Variants in IPO5 observed in about 807,000 individuals in gnomAD.
IPO5 encodes the protein importin-5.
IPO5 carries 18 observed loss-of-function variants against 143.3 expected under a neutral mutation model. That is an observed-to-expected ratio of 0.13 (90% CI 0.09 to 0.19). The LOEUF (loss-of-function observed/expected upper bound fraction) is 0.19. Among genes scored for constraint, IPO5 ranks in the 10% least tolerant of loss-of-function variants. IPO5 has a pLI of 1.00. For missense variants in IPO5, 1,013 were observed against 1,336.9 expected (o/e 0.76, Z 3.78); for synonymous variants, 477 against 465.7 (o/e 1.02, Z -0.31).
intron 27 of IPO5, among the ~76,000 whole-genome samples, 166 bp from the exon 28 acceptor site, chr13:98,020,826 C>A (rs1344521231): frequency 1.3e-5 from 2 of 151,768 alleles, no homozygotes; most frequent in Non-Finnish European, 2.9e-5. Flanking sequence ...GAGATGAGCC[C>A]AGTATTTTTT....
chr13:98,019,834 T>A, intron 27 of IPO5, 25 bp downstream of exon 27: 2 of 1,491,938 alleles, frequency 1.3e-6, no homozygotes, highest in South Asian at 2.3e-5. Flanking sequence ...TGTGACCTTA[T>A]TTCCTTCTCC....
At chr13:97,981,212 T>G (rs1470986822) in intron 4 of IPO5, 1 of 453,148 alleles carries the variant, frequency 2.2e-6, no homozygotes, top group Admixed American at 2.4e-5. Flanking sequence ...TCTTGAATTC[T>G]CCTTTCCCCC....
intron 3 of IPO5, among the ~76,000 whole-genome samples, chr13:97,974,277 G>C (rs995283485): frequency 1.1e-4 from 17 of 151,242 alleles, no homozygotes; most frequent in African/African-American, 4.1e-4. Flanking sequence ...TGTTAACCTA[G>C]TCATTTGAAT....
In IPO5 at chr13:97,993,013, A is replaced by G. The variant is rs867607574; in HGVS notation, c.791A>G (p.Lys264Arg). The change falls in exon 10 of 29, where the codon AAG (lysine) becomes AGG (arginine). Residue 264 changes from lysine (K) to arginine (R), a missense_variant and splice_region_variant. Lys to Arg is a conservative substitution (Grantham distance 26). This residue lies in a region of IPO5 where 328 missense variants were observed against 342.0 expected (regional missense o/e 0.96). Transcript: ENST00000651721. ...HLEATLQLSL[K>R]LCGDTSLNNM... is the part of the protein sequence containing the mutation. ...GAAGCAACTCTACAGCTAAGTCTAA[A>G]GGTAAATTAAGTACGTTAGTAAACG... 6.2e-7 allele frequency: 1 copy of G among 1,613,054 alleles called. No individual in the cohort carries two copies. The highest frequency in any genetic ancestry group is 1.3e-5 in the African/African-American group (1 of 75,020).
At chr13:98,010,361 T>A in intron 20 of IPO5, 137 bp downstream of exon 20, 1 of 809,946 alleles carries the variant, frequency 1.2e-6, no homozygotes, top group Non-Finnish European at 1.9e-6. Context: ...TTTCTTTCCA[T>A]TTTAAAGAAA....
At chr13:97,961,575 T>C (rs1320932175) in intron 2 of IPO5, among the ~76,000 whole-genome samples, 1 of 152,236 alleles carries the variant, frequency 6.6e-6, no homozygotes, top group East Asian at 1.9e-4. Context: ...TTTCTCCACA[T>C]TCTTGTCAAC....
intron 24 of IPO5, among the ~76,000 whole-genome samples, chr13:98,016,527 G>T (rs1890130491): frequency 6.6e-6 from 1 of 152,074 alleles, no homozygotes; most frequent in East Asian, 1.9e-4. Context: ...TGTCTTTCGA[G>T]GTAAGACTGG....
At chr13:98,016,996 G>A in intron 25 of IPO5, 145 bp downstream of exon 25, 3 of 636,906 alleles carry the variant, frequency 4.7e-6, no homozygotes, top group Non-Finnish European at 7.6e-6. Context: ...CAAGTTGACT[G>A]CATTACCCTG....
At chr13:97,981,263 G>A in intron 4 of IPO5, 1 of 456,298 alleles carries the variant, frequency 2.2e-6, no homozygotes, top group Non-Finnish European at 4.4e-6. Context: ...TGAAAAGTTT[G>A]AAACCTGTGT....
intron 2 of IPO5, among the ~76,000 whole-genome samples, chr13:97,962,816 CAAA>C (rs1307615831): frequency 9.6e-6 from 1 of 103,990 alleles, no homozygotes. Flanking sequence ...GAAACTGTCT[CAAA>C]AAAAAAAAAA....
intron 24 of IPO5, among the ~76,000 whole-genome samples, chr13:98,016,027 G>A (rs1023971848): frequency 1.1e-4 from 17 of 152,230 alleles, no homozygotes; most frequent in African/African-American, 3.6e-4. Flanking sequence ...GGTTTACCTA[G>A]TTCATTTACA....
chr13:98,013,784 A>G (rs1031955790), intron 21 of IPO5, among the ~76,000 whole-genome samples: 1 of 152,166 alleles, frequency 6.6e-6, no homozygotes, highest in Non-Finnish European at 1.5e-5. Context: ...GTCCTTCCAT[A>G]GTCATTTTTG....
Position 97,967,157 on chromosome 13 carries a change from T to C in IPO5, c.-112-2566T>C, listed in dbSNP as rs533770402. ...TGCGTTTTTCTAGAAATGTGTCCAT[T>C]TCCTCTAGGTTATCTAATTTGTTAG... is the stretch of plus-strand genomic sequence containing the variant. On this transcript the variant is annotated intron_variant, in intron 2 of 28. Transcript: ENST00000651721. Among the ~76,000 whole-genome samples the C allele has an allele frequency of 4.6e-5, 7 of 152,360 alleles. No homozygotes were observed. The South Asian group carries it at 1.4e-3, about 32-fold the overall frequency.
At chr13:97,985,677 T>TAA in intron 6 of IPO5, 64 bp downstream of exon 6, 4 of 1,065,236 alleles carry the variant, frequency 3.8e-6, no homozygotes, top group Non-Finnish European at 5.6e-6. Flanking sequence ...TTTTTTTTTT[T>TAA]AATGGAATCT....
chr13:97,989,009 T>C (rs1296392422), intron 6 of IPO5, 53 bp from the exon 7 acceptor site: 6 of 929,816 alleles, frequency 6.5e-6, no homozygotes, highest in Middle Eastern at 2.1e-4. Context: ...TTACTCCTAG[T>C]ATATTGAAGT....
chr13:97,994,521 A>G (rs1888074811), intron 11 of IPO5, among the ~76,000 whole-genome samples: 1 of 152,228 alleles, frequency 6.6e-6, no homozygotes, highest in Admixed American at 6.5e-5. Context: ...GGAATAAATC[A>G]AAAGATGTAC....
intron 5 of IPO5, among the ~76,000 whole-genome samples, chr13:97,984,998 C>T (rs1286265061): frequency 6.6e-6 from 1 of 151,960 alleles, no homozygotes; most frequent in Non-Finnish European, 1.5e-5. Context: ...AATGAAAGGG[C>T]GGTTATGTAA....
At chr13:97,976,183 CTCCCCGGCCAGGCCTCAGGCCCCTT>C (rs1886281766) in intron 3 of IPO5, among the ~76,000 whole-genome samples, 1 of 151,856 alleles carries the variant, frequency 6.6e-6, no homozygotes, top group African/African-American at 2.4e-5. Flanking sequence ...CTGGCCCCTC[CTCCCCGGCCAGGCCTCAGGCCCCTT>C]GCCGCGGCCG....
chr13:98,020,967 C>A, intron 27 of IPO5, 25 bp from the exon 28 acceptor site: 3 of 1,579,656 alleles, frequency 1.9e-6, no homozygotes, highest in Non-Finnish European at 2.6e-6. Flanking sequence ...ATTTCACTTA[C>A]TAAGGTTTTC....
Sources: gnomAD v4.1 joint callset for allele counts (sites outside exome capture counted in the v4.1 genomes callset) on GRCh38, gnomAD v4.1.1 for gene constraint, gnomAD v4.1.1 regional missense constraint, MANE v1.5 for transcripts, NCBI Gene and HGNC (gene_info 2026-07-23, HGNC 2026-07-21) for gene names.